The following CDK19 variants were observed in gnomAD, a reference collection of about 807,000 sequenced individuals.
CDK19 encodes the protein cyclin dependent kinase 19, also known as cyclin-dependent kinase 19.
A neutral mutation model predicts 68.3 loss-of-function variants in CDK19; 20 were observed. The observed-to-expected ratio is 0.29, with a 90% CI of 0.21 to 0.43. The LOEUF (loss-of-function observed/expected upper bound fraction) is 0.43. CDK19 is among the 20% of genes least tolerant of loss of function. The pLI is 1.00. For missense variants in CDK19, 339 were observed against 623.5 expected (o/e 0.54, Z 4.86); for synonymous variants, 221 against 222.8 (o/e 0.99, Z 0.07).
chr6:110,706,420 T>TTG lies in CDK19; in HGVS notation c.205-35880_205-35879insCA, dbSNP rs1562216971. ...AACACTGTTGTTTTTTTTTTGTTTG[T>TTG]TTTTTTTTTTTTGAGACAGAGTCTG... On this transcript the variant is annotated intron_variant, in intron 2 of 12. Coordinates refer to ENST00000368911, the MANE Select transcript of CDK19 (RefSeq NM_015076.5). 3.7e-5 allele frequency: 4 copies of TTG among 107,202 alleles called. 1 individual carries two copies. Among genetic ancestry groups the TTG allele is most frequent in the Non-Finnish European group, 7.8e-5 (4 of 50,956 alleles). The allele number at this position is 107,202 out of a possible 1,614,324, so 6.6% of individuals were successfully genotyped here.
At position 110,646,428 on chromosome 6, in the gene CDK19, G is replaced by A. The variant is rs1040277050; in HGVS notation, c.457-7722C>T. On this transcript the variant is annotated intron_variant, in intron 4 of 12. Coordinates refer to ENST00000368911, the MANE Select transcript of CDK19 (RefSeq NM_015076.5). ...GCGGGCGGCGACATGGCCTTCCCGC[G>A]CCGCAGCTACCCCATGCACCGCCTC... The A allele has an allele frequency of 1.1e-5, 16 of 1,498,836 alleles. No homozygotes were observed. The African/African-American group carries it at 1.4e-4, about 13-fold the overall frequency. 92.8% of individuals were successfully genotyped at this position (1,498,836 alleles called of 1,614,324 possible). A position where few individuals can be genotyped will look rare whatever the true frequency, so the allele number is the denominator to read the frequency against.
intron 2 of CDK19, among the ~76,000 whole-genome samples, chr6:110,714,829 G>A (rs1398672006): frequency 2.0e-5 from 3 of 150,834 alleles, no homozygotes; most frequent in Middle Eastern, 3.2e-3. Flanking sequence ...TGACTCTCAG[G>A]TGCAAGCAAT....
At chr6:110,769,468 G>C (rs1203144949) in intron 1 of CDK19, among the ~76,000 whole-genome samples, 1 of 151,666 alleles carries the variant, frequency 6.6e-6, no homozygotes, top group Non-Finnish European at 1.5e-5. Context: ...GGGAGGCTGA[G>C]GCAGGAGAAT....
intron 12 of CDK19, among the ~76,000 whole-genome samples, chr6:110,620,353 C>T (rs1006864644): frequency 6.6e-6 from 1 of 151,596 alleles, no homozygotes; most frequent in African/African-American, 2.4e-5. Flanking sequence ...CAAGAGTTCC[C>T]GGAGGGACTG....
chr6:110,752,557 T>C (rs561416228), intron 1 of CDK19, among the ~76,000 whole-genome samples: 1 of 152,222 alleles, frequency 6.6e-6, no homozygotes, highest in African/African-American at 2.4e-5. Flanking sequence ...AAAATGTGCT[T>C]CAAAAATTAT....
intron 2 of CDK19, among the ~76,000 whole-genome samples, chr6:110,681,701 C>T (rs564142950): frequency 3.3e-5 from 5 of 152,180 alleles, no homozygotes; most frequent in African/African-American, 4.8e-5. Flanking sequence ...TTCAACATGA[C>T]ATCATACAAC....
intron 6 of CDK19, among the ~76,000 whole-genome samples, chr6:110,629,716 G>A (rs1779323575): frequency 6.6e-6 from 1 of 152,170 alleles, no homozygotes; most frequent in Admixed American, 6.5e-5. Flanking sequence ...GAATAAGTAT[G>A]TACTTATAAA....
intron 2 of CDK19, among the ~76,000 whole-genome samples, chr6:110,710,789 C>CTAA (rs1163013002): frequency 2.0e-5 from 3 of 152,140 alleles, no homozygotes; most frequent in African/African-American, 7.2e-5. Context: ...ATCTTGAAGG[C>CTAA]TAAGATATCA....
At chr6:110,728,742 A>G (rs1776531919) in intron 2 of CDK19, among the ~76,000 whole-genome samples, 1 of 152,034 alleles carries the variant, frequency 6.6e-6, no homozygotes, top group African/African-American at 2.4e-5. Context: ...TATACTCTCA[A>G]ATGTGGCATG....
intron 2 of CDK19, among the ~76,000 whole-genome samples, chr6:110,738,979 T>C (rs961672449): frequency 6.6e-6 from 1 of 152,154 alleles, no homozygotes; most frequent in Admixed American, 6.5e-5. Flanking sequence ...GAAACATCAA[T>C]GCTGGGATAT....
At chr6:110,698,508 G>C (rs140770538) in intron 2 of CDK19, among the ~76,000 whole-genome samples, 38 of 152,234 alleles carry the variant, frequency 2.5e-4, no homozygotes, top group African/African-American at 8.9e-4. Flanking sequence ...AAAAACAATA[G>C]ATGTTGTTGT....
At chr6:110,685,451 CTAAT>C (rs1484968037) in intron 2 of CDK19, among the ~76,000 whole-genome samples, 2 of 152,192 alleles carry the variant, frequency 1.3e-5, no homozygotes, top group African/African-American at 4.8e-5. Context: ...TAACACACTG[CTAAT>C]TAAATAAAGT....
chr6:110,659,933 C>T lies in CDK19; in HGVS notation c.456+7501G>A, dbSNP rs796820108. On this transcript the variant is annotated intron_variant, in intron 4 of 12. Transcript: ENST00000368911. Reference sequence around the variant, plus strand: ...ATATATGAAAGGTGGGGACTTTTTGCATTTTCTTCATTGCATTTCCACTAA... The same window carrying T: ...ATATATGAAAGGTGGGGACTTTTTGTATTTTCTTCATTGCATTTCCACTAA... Among the ~76,000 whole-genome samples the T allele has an allele frequency of 3.3e-5, 5 of 152,110 alleles. No individual in the cohort carries two copies. The South Asian group carries it at 1.0e-3, about 32-fold the overall frequency.
chr6:110,616,271 G>C (rs904672559), intron 12 of CDK19, among the ~76,000 whole-genome samples: 3 of 152,144 alleles, frequency 2.0e-5, no homozygotes, highest in Non-Finnish European at 4.4e-5. Flanking sequence ...GTTTAGGAAA[G>C]AACAGATCAG....
intron 2 of CDK19, among the ~76,000 whole-genome samples, chr6:110,679,886 A>C (rs1368161123): frequency 6.6e-6 from 1 of 152,194 alleles, no homozygotes; most frequent in Non-Finnish European, 1.5e-5. Context: ...TGTTGACTTT[A>C]TATCTCCAAT....
chr6:110,707,158 A>T (rs1351466057), intron 2 of CDK19, among the ~76,000 whole-genome samples: 1 of 152,004 alleles, frequency 6.6e-6, no homozygotes, highest in Non-Finnish European at 1.5e-5. Context: ...GACGATGGTG[A>T]AACCCCATCT....
intron 2 of CDK19, among the ~76,000 whole-genome samples, chr6:110,687,621 C>A (rs988763676): frequency 6.6e-6 from 1 of 152,198 alleles, no homozygotes; most frequent in African/African-American, 2.4e-5. Flanking sequence ...TGAGCTTCCA[C>A]AATGAAGTAA....
At chr6:110,751,616 T>G (rs1431880947) in intron 1 of CDK19, among the ~76,000 whole-genome samples, 1 of 152,194 alleles carries the variant, frequency 6.6e-6, no homozygotes, top group Non-Finnish European at 1.5e-5. Context: ...CCCACCCTGC[T>G]GGGTCTGTGG....
chr6:110,791,139 C>G (rs1762188251), intron 1 of CDK19, among the ~76,000 whole-genome samples: 1 of 151,336 alleles, frequency 6.6e-6, no homozygotes, highest in South Asian at 2.1e-4. Flanking sequence ...CCACTGCACT[C>G]CAGCCTGGAC....
Sources: allele counts gnomAD v4.1 joint callset (sites outside exome capture counted in the v4.1 genomes callset), GRCh38; gene constraint gnomAD v4.1.1; transcripts MANE v1.5; gene names NCBI Gene and HGNC (gene_info 2026-07-23, HGNC 2026-07-21).